DPY30: variants seen among roughly 807,000 people sequenced by gnomAD.
DPY30 encodes the protein protein dpy-30 homolog.
Under a neutral mutation model 16.2 loss-of-function variants are expected in DPY30, and 6 were observed. That is an observed-to-expected ratio of 0.37 (90% CI 0.20 to 0.73). The LOEUF is 0.73. Ranked by LOEUF, DPY30 falls within the 30% of genes least tolerant of loss-of-function variation. The pLI, the probability that DPY30 is intolerant of heterozygous loss-of-function variation, is 0.51. For missense variants in DPY30, 73 were observed against 113.1 expected (o/e 0.65, Z 1.61); for synonymous variants, 39 against 38.8 (o/e 1.00, Z -0.02).
chr2:32,030,791 C>G (rs992218397), intron 3 of DPY30, among the ~76,000 whole-genome samples: 1 of 151,694 alleles, frequency 6.6e-6, no homozygotes, highest in African/African-American at 2.4e-5. Context: ...AAAGCAAGGC[C>G]CTGTCTCTAA....
intron 3 of DPY30, among the ~76,000 whole-genome samples, chr2:32,035,778 A>G (rs1675711146): frequency 6.6e-6 from 1 of 151,572 alleles, no homozygotes; most frequent in South Asian, 2.1e-4. Flanking sequence ...TACTAAAAAT[A>G]CAAAAATTAG....
chr2:32,017,190 A>G (rs1675082638), intron 5 of DPY30, among the ~76,000 whole-genome samples: 1 of 152,092 alleles, frequency 6.6e-6, no homozygotes, highest in Admixed American at 6.6e-5. Context: ...GCCATATAGT[A>G]GTAACTTTCT....
chr2:32,012,031 G>A, exon 6 of DPY30: 1 of 152,202 alleles, frequency 6.6e-6, no homozygotes, highest in East Asian at 1.9e-4. Context: ...ATTCCAACCT[G>A]GGCAACGTAC....
At chr2:32,014,409 G>A (rs1675024347) in intron 5 of DPY30, among the ~76,000 whole-genome samples, 1 of 152,128 alleles carries the variant, frequency 6.6e-6, no homozygotes, top group Admixed American at 6.5e-5. Flanking sequence ...GATTGCTTTA[G>A]CCCAGGAGTT....
At chr2:32,013,959 G>A (rs553079364) in intron 5 of DPY30, among the ~76,000 whole-genome samples, 1 of 149,866 alleles carries the variant, frequency 6.7e-6, no homozygotes, top group Non-Finnish European at 1.5e-5. Context: ...TGTGAGCCGA[G>A]ATCATGCCAT....
At chr2:32,028,752 C>T (rs1422965422) in intron 4 of DPY30, among the ~76,000 whole-genome samples, 1 of 152,162 alleles carries the variant, frequency 6.6e-6, no homozygotes, top group African/African-American at 2.4e-5. Flanking sequence ...GATCATGCCA[C>T]TGCACTCCAG....
At chr2:32,013,780 C>A (rs1355628103) in intron 5 of DPY30, among the ~76,000 whole-genome samples, 1 of 152,168 alleles carries the variant, frequency 6.6e-6, no homozygotes, top group Non-Finnish European at 1.5e-5. Context: ...GAGGCCAAGG[C>A]GGGCGGATCA....
chr2:32,039,555 A>C, intron 1 of DPY30, 63 bp from the exon 2 acceptor site: 2 of 1,539,998 alleles, frequency 1.3e-6, no homozygotes, highest in Non-Finnish European at 1.8e-6. Flanking sequence ...TCCAGGATGG[A>C]GTGCAGCCCA....
intron 3 of DPY30, among the ~76,000 whole-genome samples, chr2:32,032,166 T>G (rs989833590): frequency 6.6e-6 from 1 of 152,156 alleles, no homozygotes; most frequent in African/African-American, 2.4e-5. Flanking sequence ...GTCAGACAAC[T>G]TCTGCTTATA....
chr2:32,032,463 C>T (rs966775159), intron 3 of DPY30, among the ~76,000 whole-genome samples: 1 of 152,196 alleles, frequency 6.6e-6, no homozygotes, highest in Middle Eastern at 3.2e-3. Context: ...ATGTTCAAAA[C>T]TTCACACTGA....
upstream of DPY30, chr2:32,039,820 G>A: frequency 3.0e-6 from 1 of 332,542 alleles, no homozygotes; most frequent in Non-Finnish European, 5.6e-6. Flanking sequence ...GACGGCTGTC[G>A]CACGACTGCC....
intron 3 of DPY30, 128 bp downstream of exon 3, chr2:32,039,151 C>G (rs1675868225): frequency 9.1e-7 from 1 of 1,104,950 alleles, no homozygotes; most frequent in African/African-American, 1.6e-5. Context: ...CTACCCATAA[C>G]TTGATACTAT....
chr2:32,035,107 TAAA>T (rs770273592), intron 3 of DPY30, among the ~76,000 whole-genome samples: 1 of 135,448 alleles, frequency 7.4e-6, no homozygotes, highest in Non-Finnish European at 1.6e-5. Flanking sequence ...AGACTCCATT[TAAA>T]AAAAAAAAAA....
At chr2:32,023,861 A>T, downstream of DPY30, 2 of 1,317,546 alleles carry the variant, frequency 1.5e-6, no homozygotes, top group Non-Finnish European at 2.0e-6. Flanking sequence ...CAATTCAATC[A>T]TGTAAAATAT....
intron 3 of DPY30, among the ~76,000 whole-genome samples, chr2:32,032,718 C>T (rs1225398878): frequency 1.3e-5 from 2 of 152,172 alleles, no homozygotes; most frequent in Non-Finnish European, 2.9e-5. Context: ...TAATTTTAGG[C>T]CGGGCACAGT....
At chr2:32,030,262 G>GT (rs553938321) in intron 3 of DPY30, among the ~76,000 whole-genome samples, 58 of 152,196 alleles carry the variant, frequency 3.8e-4, no homozygotes, top group Admixed American at 2.9e-3. Context: ...CAATGAGAAT[G>GT]TTTTTCCCTT....
intron 4 of DPY30, among the ~76,000 whole-genome samples, chr2:32,025,058 A>G (rs759091867): frequency 2.6e-5 from 4 of 152,206 alleles, no homozygotes; most frequent in Non-Finnish European, 4.4e-5. Context: ...TGATCTCAAA[A>G]CATTCCCAGA....
intron 4 of DPY30, among the ~76,000 whole-genome samples, chr2:32,026,997 C>G (rs530914916): frequency 1.3e-5 from 2 of 149,866 alleles, no homozygotes; most frequent in Non-Finnish European, 3.0e-5. Context: ...GAATAAGGGC[C>G]AGGCACGATG....
chr2:32,016,559 T>G (rs984144336), intron 5 of DPY30, among the ~76,000 whole-genome samples: 2 of 152,196 alleles, frequency 1.3e-5, no homozygotes, highest in African/African-American at 4.8e-5. Context: ...GACATTTAAA[T>G]AAAAGTTCAA....
Sources: allele counts gnomAD v4.1 joint callset (sites outside exome capture counted in the v4.1 genomes callset), GRCh38; gene constraint gnomAD v4.1.1; transcripts MANE v1.5; gene names NCBI Gene and HGNC (gene_info 2026-07-23, HGNC 2026-07-21).